Variants in GREM2 observed in about 807,000 individuals in gnomAD.
The protein encoded by GREM2 is gremlin 2, DAN family BMP antagonist.
Under a neutral mutation model 14.2 loss-of-function variants are expected in GREM2, and 11 were observed. That is an observed-to-expected ratio of 0.78 (90% CI 0.49 to 1.28). The LOEUF (loss-of-function observed/expected upper bound fraction) is 1.28, where lower values mean the gene tolerates loss of function less well. GREM2 is among the 50% of genes most tolerant of loss of function. The pLI is 0.00. For missense variants in GREM2, 210 were observed against 218.5 expected, an observed-to-expected ratio of 0.96 and a Z score of 0.24; for synonymous variants, 98 against 97.6, an observed-to-expected ratio of 1.00 and a Z score of -0.02.
chr1:240,526,126 T>C (rs141448170), intron 1 of GREM2, among the ~76,000 whole-genome samples: 3 of 152,240 alleles, frequency 2.0e-5, no homozygotes, highest in Non-Finnish European at 4.4e-5. Context: ...AACTGAATCA[T>C]ATCTACAAAG....
intron 1 of GREM2, among the ~76,000 whole-genome samples, chr1:240,532,088 T>C (rs1471570884): frequency 1.3e-5 from 2 of 151,804 alleles, no homozygotes; most frequent in African/African-American, 4.8e-5. Flanking sequence ...ATTATTATTA[T>C]TATTTTAGAC....
chr1:240,555,551 T>C (rs1032993925), intron 1 of GREM2, among the ~76,000 whole-genome samples: 1 of 152,220 alleles, frequency 6.6e-6, no homozygotes, highest in African/African-American at 2.4e-5. Context: ...ACAATGAAAG[T>C]ATAGCAGTGT....
Position 240,490,952 on chromosome 1 carries a change from CA to C in GREM2, c.*2016del. ...CTGACTTGAGGTTTTCCACCAAATGCAAAAATCACTCCTGACCTTGAACACC... is the reference window on the plus strand; with the variant it reads ...CTGACTTGAGGTTTTCCACCAAATGCAAAATCACTCCTGACCTTGAACACC... On this transcript the variant is annotated 3_prime_UTR_variant, in exon 2 of 2. Transcript: ENST00000318160. The C allele has an allele frequency of 6.6e-6, 1 of 152,340 alleles. No homozygotes were observed. Among genetic ancestry groups the C allele is most frequent in the Non-Finnish European group, 1.5e-5 (1 of 68,058 alleles). The allele number at this position is 152,340 out of a possible 1,614,324, so 9.4% of individuals were successfully genotyped here.
At chr1:240,569,211 C>T (rs1368878963) in intron 1 of GREM2, among the ~76,000 whole-genome samples, 1 of 152,082 alleles carries the variant, frequency 6.6e-6, no homozygotes, top group Non-Finnish European at 1.5e-5. Flanking sequence ...AGACTTAAAT[C>T]AATGGAGACA....
At chr1:240,509,252 G>A (rs1677746072) in intron 1 of GREM2, among the ~76,000 whole-genome samples, 1 of 152,086 alleles carries the variant, frequency 6.6e-6, no homozygotes. Flanking sequence ...CCTGCACCGG[G>A]CCCAGTGGAC....
chr1:240,585,368 A>G lies in GREM2; in HGVS notation c.-2+26516T>C, dbSNP rs146319273. Among the ~76,000 whole-genome samples the G allele has an allele frequency of 1.4e-4, 22 of 152,234 alleles. No individual in the cohort carries two copies. The East Asian group carries it at 4.1e-3, about 28-fold the overall frequency. On this transcript the variant is annotated intron_variant, in intron 1 of 1. Transcript: ENST00000318160. ...ACCAAGGGTTAAAATCTGGCATTAAATAGATTAAATACCCTAATTTCTCTG... is the reference window on the plus strand; with the variant it reads ...ACCAAGGGTTAAAATCTGGCATTAAGTAGATTAAATACCCTAATTTCTCTG...
At chr1:240,538,585 G>C (rs1301729661) in intron 1 of GREM2, among the ~76,000 whole-genome samples, 5 of 151,972 alleles carry the variant, frequency 3.3e-5, no homozygotes, top group Non-Finnish European at 7.4e-5. Flanking sequence ...AGGCATGGTG[G>C]TGTGTGCCTA....
chr1:240,586,686 T>C (rs1373729721), intron 1 of GREM2, among the ~76,000 whole-genome samples: 2 of 152,162 alleles, frequency 1.3e-5, no homozygotes. Flanking sequence ...GAATACAGAA[T>C]AGTGGTCAAT....
At chr1:240,495,073 A>G (rs10802881) in intron 1 of GREM2, among the ~76,000 whole-genome samples, 112,463 of 152,210 alleles carry the variant, frequency 0.74, 41,834 homozygotes, top group East Asian at 0.8. Flanking sequence ...CTTGCAGGGC[A>G]CAAGCCAAAG....
chr1:240,578,031 G>T (rs1047568827), intron 1 of GREM2, among the ~76,000 whole-genome samples: 1 of 152,122 alleles, frequency 6.6e-6, no homozygotes, highest in Non-Finnish European at 1.5e-5. Context: ...TGTTAGATGT[G>T]GAGGCAATAG....
At chr1:240,581,098 A>T (rs1474717139) in intron 1 of GREM2, among the ~76,000 whole-genome samples, 2 of 152,026 alleles carry the variant, frequency 1.3e-5, no homozygotes, top group Non-Finnish European at 2.9e-5. Context: ...AAAAATACAA[A>T]AATTAGCCAG....
intron 1 of GREM2, among the ~76,000 whole-genome samples, chr1:240,495,195 C>G (rs866504234): frequency 6.6e-6 from 1 of 152,210 alleles, no homozygotes; most frequent in Non-Finnish European, 1.5e-5. Context: ...GGACTCTGAT[C>G]TCTTTTTACA....
chr1:240,544,788 A>G (rs1678680774), intron 1 of GREM2, among the ~76,000 whole-genome samples: 1 of 152,096 alleles, frequency 6.6e-6, no homozygotes, highest in Non-Finnish European at 1.5e-5. Flanking sequence ...TACAAAGCCA[A>G]TGTTGTTTTA....
intron 1 of GREM2, among the ~76,000 whole-genome samples, chr1:240,548,940 T>C (rs1024502449): frequency 2.0e-5 from 3 of 152,142 alleles, no homozygotes; most frequent in African/African-American, 7.2e-5. Flanking sequence ...AGAAGAATAA[T>C]GACTGAACAA....
chr1:240,559,192 C>G (rs1678998472), intron 1 of GREM2, among the ~76,000 whole-genome samples: 1 of 152,120 alleles, frequency 6.6e-6, no homozygotes, highest in South Asian at 2.1e-4. Flanking sequence ...CTACAGTGCA[C>G]TTGGATCTTT....
At position 240,493,425 on chromosome 1, in the gene GREM2, C is replaced by T. The variant is rs1677316523; in HGVS notation, c.51G>A (p.Lys17=). 6.2e-7 allele frequency: 1 copy of T among 1,612,292 alleles called. No homozygotes were observed. The highest frequency in any genetic ancestry group is 8.5e-7 in the Non-Finnish European group (1 of 1,179,378). The part of the protein sequence containing the change: ...LSLFLVAVLV[K]VAEARKNRPA... Reference sequence around the variant, plus strand: ...GCCGGTTCTTCCGGGCTTCCGCCACCTTCACCAGCACCGCCACCAGGAACA... The same window carrying T: ...GCCGGTTCTTCCGGGCTTCCGCCACTTTCACCAGCACCGCCACCAGGAACA... Residue 17 remains lysine (K), a synonymous_variant, in exon 2 of 2, where the codon AAG becomes AAA. Coordinates refer to ENST00000318160, the MANE Select transcript of GREM2 (RefSeq NM_022469.4).
chr1:240,502,824 A>G (rs1677599562), intron 1 of GREM2, among the ~76,000 whole-genome samples: 1 of 152,208 alleles, frequency 6.6e-6, no homozygotes, highest in Admixed American at 6.5e-5. Context: ...CAAGTTCTTC[A>G]TAGACCTTTC....
At chr1:240,530,311 A>G (rs1678322187) in intron 1 of GREM2, 1 of 152,220 alleles carries the variant, frequency 6.6e-6, no homozygotes, top group Non-Finnish European at 1.5e-5. Flanking sequence ...GTGGAGAAGT[A>G]TCTCACTGGA....
intron 1 of GREM2, among the ~76,000 whole-genome samples, chr1:240,514,022 G>C (rs1191061164): frequency 6.6e-6 from 1 of 151,994 alleles, no homozygotes; most frequent in African/African-American, 2.4e-5. Flanking sequence ...GAGGCGGGTG[G>C]ATCACCTGAC....
Sources: gnomAD v4.1 joint callset for allele counts (sites outside exome capture counted in the v4.1 genomes callset) on GRCh38, gnomAD v4.1.1 for gene constraint, MANE v1.5 for transcripts, NCBI Gene and HGNC (gene_info 2026-07-23, HGNC 2026-07-21) for gene names.